Variants in RBM26 observed in about 807,000 individuals in gnomAD.
RBM26 encodes the protein RNA binding motif protein 26, also known as RNA-binding protein 26.
A neutral mutation model predicts 123.6 loss-of-function variants in RBM26; 30 were observed. The observed-to-expected ratio is 0.24, with a 90% CI of 0.18 to 0.33. RBM26 has a LOEUF of 0.33. Among genes scored for constraint, RBM26 ranks in the 10% least tolerant of loss-of-function variants. RBM26 has a pLI of 1.00. For synonymous variants in RBM26, 400 were observed against 404.4 expected (o/e 0.99, Z 0.13); for missense variants, 947 against 1,203.6 (o/e 0.79, Z 3.15).
intron 1 of RBM26, among the ~76,000 whole-genome samples, chr13:79,379,820 A>G (rs2076938451): frequency 6.6e-6 from 1 of 152,142 alleles, no homozygotes. Flanking sequence ...ATTATAAGAG[A>G]AAAAAAGACA....
chr13:79,365,943 C>A (rs886850940), intron 8 of RBM26, 112 bp downstream of exon 8: 12 of 1,116,162 alleles, frequency 1.1e-5, no homozygotes, highest in Non-Finnish European at 1.5e-5. Flanking sequence ...ACCACGGCTA[C>A]ATAATTTTAG....
chr13:79,338,176 C>CA lies in RBM26; in HGVS notation c.2533-875dup, dbSNP rs2070777920. Among the ~76,000 whole-genome samples the CA allele has an allele frequency of 2.0e-5, 3 of 152,202 alleles. No individual in the cohort carries two copies. In the South Asian group the frequency reaches 6.2e-4, roughly 31 times the overall value. On this transcript the variant is annotated intron_variant, in intron 18 of 21. Coordinates refer to ENST00000438737, the MANE Select transcript of RBM26 (RefSeq NM_001366735.2). Reference sequence around the variant, plus strand: ...GCAGCGAGCCGAGATCGCGCCACTACACTCCAGCCTGGGCGACAGAGCAAG... The same window carrying CA: ...GCAGCGAGCCGAGATCGCGCCACTACAACTCCAGCCTGGGCGACAGAGCAAG...
At position 79,355,273 on chromosome 13, in the gene RBM26, C is replaced by A. The variant is rs758024645; in HGVS notation, c.1801G>T (p.Val601Phe). The change falls in exon 12 of 22, where the codon GTT becomes TTT. Residue 601 changes from valine (V) to phenylalanine (F), a missense_variant. Coordinates refer to ENST00000438737, the MANE Select transcript of RBM26 (RefSeq NM_001366735.2). The stretch of plus-strand genomic sequence containing the variant: ...GTGCTTCCTTCTCTGTGCCAATAAA[C>A]CTTAATAAAGCGATTGTTTAATACT... ...EAVLNNRFIK[V>F]YWHREGSTQQ... 6.2e-7 allele frequency: 1 copy of A among 1,614,014 alleles called. No homozygotes were observed.
Position 79,344,104 on chromosome 13 carries a change from T to A in RBM26, c.2259+144A>T, listed in dbSNP as rs2071887022. 7.3e-6 allele frequency: 5 copies of A among 685,206 alleles called. No individual in the cohort carries two copies. The South Asian group carries it at 7.9e-5, about 11-fold the overall frequency. The allele number at this position is 685,206 out of a possible 1,614,324, so 42.4% of individuals were successfully genotyped here. A position where few individuals can be genotyped will look rare whatever the true frequency, so the allele number is the denominator to read the frequency against. On this transcript the variant is annotated intron_variant, in intron 16 of 21. Transcript: ENST00000438737. ...TATACCCACCATCTGATGTATGCTC[T>A]TCATCTCCAATATTATCACTGACAA...
intron 3 of RBM26, among the ~76,000 whole-genome samples, chr13:79,374,930 A>C (rs2076504057): frequency 6.6e-6 from 1 of 150,982 alleles, no homozygotes; most frequent in Non-Finnish European, 1.5e-5. Context: ...TTTGCTACTA[A>C]CTCGATTTAG....
At chr13:79,362,891 G>GTA (rs2074865535) in intron 9 of RBM26, among the ~76,000 whole-genome samples, 1 of 152,066 alleles carries the variant, frequency 6.6e-6, no homozygotes, top group African/African-American at 2.4e-5. Flanking sequence ...GTTCCTCTTG[G>GTA]TATATACTCA....
At chr13:79,393,580 C>T (rs1330402846) in intron 1 of RBM26, among the ~76,000 whole-genome samples, 1 of 152,170 alleles carries the variant, frequency 6.6e-6, no homozygotes, top group Non-Finnish European at 1.5e-5. Context: ...GAGACCTGTA[C>T]ACAGTACCAT....
At chr13:79,400,235 T>C (rs977545579) in intron 1 of RBM26, among the ~76,000 whole-genome samples, 7 of 152,218 alleles carry the variant, frequency 4.6e-5, no homozygotes, top group Non-Finnish European at 7.3e-5. Flanking sequence ...TGTGCTGCTA[T>C]AACAGAATAC....
chr13:79,385,802 A>G (rs2077432022), intron 1 of RBM26, among the ~76,000 whole-genome samples: 1 of 152,122 alleles, frequency 6.6e-6, no homozygotes, highest in African/African-American at 2.4e-5. Flanking sequence ...TTTTTTTCTG[A>G]ATCCAGGAGT....
intron 1 of RBM26, among the ~76,000 whole-genome samples, chr13:79,395,119 C>T (rs146210668): frequency 3.1e-4 from 47 of 152,318 alleles, no homozygotes; most frequent in African/African-American, 1.1e-3. Flanking sequence ...TTACTTCAGT[C>T]TCTACAGTCC....
intron 16 of RBM26, among the ~76,000 whole-genome samples, chr13:79,343,691 TAC>T (rs1389106868): frequency 2.0e-5 from 3 of 151,836 alleles, no homozygotes; most frequent in African/African-American, 7.2e-5. Flanking sequence ...AAGAAACAAA[TAC>T]AATTAATTTA....
downstream of RBM26, among the ~76,000 whole-genome samples, chr13:79,315,819 C>G (rs978606173): frequency 6.6e-6 from 1 of 151,704 alleles, no homozygotes; most frequent in Admixed American, 6.6e-5. Context: ...AAGTTTCTTT[C>G]CTAGGATTTT....
chr13:79,385,773 G>A (rs1229471489), intron 1 of RBM26, among the ~76,000 whole-genome samples: 1 of 152,110 alleles, frequency 6.6e-6, no homozygotes. Context: ...CAAACAGGAA[G>A]CCCATATGTG....
intron 11 of RBM26, 58 bp downstream of exon 11, chr13:79,358,216 T>C: frequency 7.3e-7 from 1 of 1,365,980 alleles, no homozygotes; most frequent in South Asian, 1.4e-5. Context: ...AGTTTTCTTA[T>C]TACATTAAGT....
rs1271282757 is a variant in RBM26 at position 79,367,423 on chromosome 13, AAAAAAAAAAG to A, written c.896-561_896-552del. Among the ~76,000 whole-genome samples the A allele has an allele frequency of 5.0e-5, 7 of 141,274 alleles. 1 individual carries two copies. The highest frequency in any genetic ancestry group is 4.1e-4 in the East Asian group (2 of 4,894). 92.7% of individuals were successfully genotyped at this position (141,274 alleles called of 152,430 possible). On this transcript the variant is annotated intron_variant, in intron 6 of 21. Transcript: ENST00000438737. The stretch of plus-strand genomic sequence containing the variant: ...CTCCATCTCAAAAAAAAAAAAAAAA[AAAAAAAAAAG>A]AAGAAGAAGAGGCAAAAGAGAGAAA...
chr13:79,369,579 G>A (rs2075669803), intron 5 of RBM26, among the ~76,000 whole-genome samples: 1 of 152,090 alleles, frequency 6.6e-6, no homozygotes, highest in African/African-American at 2.4e-5. Context: ...AAGAGTAACA[G>A]AATACAGGGC....
chr13:79,391,222 C>T (rs771171611), intron 1 of RBM26, among the ~76,000 whole-genome samples: 4 of 152,118 alleles, frequency 2.6e-5, no homozygotes, highest in Non-Finnish European at 5.9e-5. Context: ...CGCATATAGT[C>T]AATTAGAGTT....
In RBM26 at chr13:79,356,306, C is replaced by A. The variant is rs533091892; in HGVS notation, c.1690-922G>T. On this transcript the variant is annotated intron_variant, in intron 11 of 21. Coordinates refer to ENST00000438737, the MANE Select transcript of RBM26 (RefSeq NM_001366735.2). Reference sequence around the variant, plus strand: ...ATCACCTAAGCCCAGGAGGTCGAGGCTACAAAGAACCGTAATCATGCCACC... The same window carrying A: ...ATCACCTAAGCCCAGGAGGTCGAGGATACAAAGAACCGTAATCATGCCACC... Among the ~76,000 whole-genome samples, 7 of 142,808 alleles carry A rather than the reference C, an allele frequency of 4.9e-5. No individual in the cohort carries two copies. In the East Asian group the frequency reaches 1.3e-3, roughly 27 times the overall value. 93.7% of individuals were successfully genotyped at this position (142,808 alleles called of 152,430 possible). A position where few individuals can be genotyped will look rare whatever the true frequency, so the allele number is the denominator to read the frequency against.
At chr13:79,350,102 T>C (rs904171313) in intron 14 of RBM26, among the ~76,000 whole-genome samples, 3 of 152,230 alleles carry the variant, frequency 2.0e-5, no homozygotes, top group Non-Finnish European at 2.9e-5. Context: ...TGGCACCTGC[T>C]AAATCAACAG....
Sources: allele counts gnomAD v4.1 joint callset (sites outside exome capture counted in the v4.1 genomes callset), GRCh38; gene constraint gnomAD v4.1.1; transcripts MANE v1.5; gene names NCBI Gene and HGNC (gene_info 2026-07-23, HGNC 2026-07-21).